The following LY86 variants were observed in gnomAD, a reference collection of about 807,000 sequenced individuals.
The protein encoded by LY86 is MD-1, RP105-associated.
A neutral mutation model predicts 17.3 loss-of-function variants in LY86; 20 were observed. The ratio of observed to expected loss-of-function variants is 1.15; its 90% confidence interval spans 0.81 to 1.68. The LOEUF is 1.68. LY86 is among the 40% of genes most tolerant of loss of function. The probability of loss-of-function intolerance (pLI) is 0.00; values close to 1 mark genes in which losing one functional copy is unlikely to be tolerated. For missense variants in LY86, 200 were observed against 191.9 expected, an observed-to-expected ratio of 1.04 and a Z score of -0.25; for synonymous variants, 74 against 70.6, an observed-to-expected ratio of 1.05 and a Z score of -0.24.
intron 1 of LY86, among the ~76,000 whole-genome samples, chr6:6,613,734 C>A (rs1421642948): frequency 6.6e-6 from 1 of 152,236 alleles, no homozygotes; most frequent in Non-Finnish European, 1.5e-5. Flanking sequence ...CAAGCGCGGC[C>A]AGAGTGGGCG....
intron 3 of LY86, among the ~76,000 whole-genome samples, chr6:6,635,974 G>C (rs1410699127): frequency 6.6e-6 from 1 of 152,244 alleles, no homozygotes; most frequent in African/African-American, 2.4e-5. Context: ...CCGCTGGAGA[G>C]CAGAGACCTT....
At chr6:6,651,663 T>C (rs1414678419) in intron 4 of LY86, among the ~76,000 whole-genome samples, 4 of 152,194 alleles carry the variant, frequency 2.6e-5, no homozygotes, top group Admixed American at 1.3e-4. Flanking sequence ...CAATTGACTT[T>C]CACTTTTGCA....
At chr6:6,614,970 G>A (rs1256483329) in intron 1 of LY86, among the ~76,000 whole-genome samples, 1 of 152,214 alleles carries the variant, frequency 6.6e-6, no homozygotes, top group Non-Finnish European at 1.5e-5. Flanking sequence ...AGCGGAGGCG[G>A]CTGCCTCTTA....
intron 1 of LY86, among the ~76,000 whole-genome samples, chr6:6,605,396 G>A (rs1440526639): frequency 6.6e-6 from 1 of 152,238 alleles, no homozygotes. Flanking sequence ...CCAAACTCAT[G>A]TGAGTACATC....
intron 1 of LY86, among the ~76,000 whole-genome samples, chr6:6,604,560 A>G (rs570828774): frequency 3.3e-5 from 5 of 152,330 alleles, no homozygotes; most frequent in African/African-American, 7.2e-5. Flanking sequence ...AATAAAACGA[A>G]AAATATGGAG....
intron 1 of LY86, among the ~76,000 whole-genome samples, chr6:6,616,074 A>T (rs1761546570): frequency 2.0e-5 from 3 of 152,232 alleles, no homozygotes; most frequent in Admixed American, 6.5e-5. Context: ...AGCACTGGCC[A>T]AGATGCTTTA....
chr6:6,592,847 G>A (rs1002811140), intron 1 of LY86, among the ~76,000 whole-genome samples: 2 of 152,134 alleles, frequency 1.3e-5, no homozygotes, highest in Non-Finnish European at 2.9e-5. Context: ...GGCTGTTTAA[G>A]CCCCCCAGTC....
At chr6:6,603,369 C>CCA in intron 1 of LY86, among the ~76,000 whole-genome samples, 1 of 151,680 alleles carries the variant, frequency 6.6e-6, no homozygotes, top group Middle Eastern at 3.4e-3. Context: ...AGACAGTTCA[C>CCA]AAAAATTACC....
intron 1 of LY86, 74 bp downstream of exon 1, chr6:6,588,944 G>T: frequency 5.4e-6 from 8 of 1,494,690 alleles, no homozygotes; most frequent in East Asian, 2.4e-5. Flanking sequence ...CTAGTGCTCA[G>T]TTGGAGTTGG....
intron 1 of LY86, among the ~76,000 whole-genome samples, chr6:6,609,498 T>C (rs145906549): frequency 6.4e-4 from 98 of 152,298 alleles, no homozygotes; most frequent in African/African-American, 2.0e-3. Context: ...ATGCACTTCC[T>C]TACACACTTT....
At chr6:6,616,107 C>T (rs1414500012) in intron 1 of LY86, among the ~76,000 whole-genome samples, 1 of 152,278 alleles carries the variant, frequency 6.6e-6, no homozygotes, top group East Asian at 1.9e-4. Context: ...TTCTTAATTC[C>T]TAATAAAACA....
At chr6:6,636,160 A>C (rs967507747) in intron 3 of LY86, among the ~76,000 whole-genome samples, 3 of 152,172 alleles carry the variant, frequency 2.0e-5, no homozygotes, top group Admixed American at 6.5e-5. Flanking sequence ...TGGCCCAGGG[A>C]CCACACTTTG....
intron 1 of LY86, among the ~76,000 whole-genome samples, chr6:6,589,783 G>A (rs982444644): frequency 1.3e-5 from 2 of 151,972 alleles, no homozygotes; most frequent in Non-Finnish European, 2.9e-5. Flanking sequence ...TATCAGATTA[G>A]GGCCCACCTC....
chr6:6,631,953 G>A (rs1428197497), intron 3 of LY86, among the ~76,000 whole-genome samples: 1 of 152,132 alleles, frequency 6.6e-6, no homozygotes, highest in Admixed American at 6.5e-5. Flanking sequence ...TCTTTTGACT[G>A]ATCAGTCCTG....
chr6:6,611,685 G>A (rs1030266715), intron 1 of LY86, among the ~76,000 whole-genome samples: 6 of 152,188 alleles, frequency 3.9e-5, no homozygotes, highest in African/African-American at 1.4e-4. Context: ...TACGCTGCGC[G>A]CCGGTCGTGT....
At chr6:6,594,774 T>C (rs1760647170) in intron 1 of LY86, among the ~76,000 whole-genome samples, 1 of 152,244 alleles carries the variant, frequency 6.6e-6, no homozygotes, top group Non-Finnish European at 1.5e-5. Flanking sequence ...TATGAAGTCC[T>C]TCCATTGACA....
chr6:6,641,920 C>G (rs1380664827), intron 3 of LY86, among the ~76,000 whole-genome samples: 1 of 152,232 alleles, frequency 6.6e-6, no homozygotes, highest in Non-Finnish European at 1.5e-5. Flanking sequence ...GGCTCCATCC[C>G]TCAGCAACCC....
chr6:6,596,091 G>A (rs1271159537), intron 1 of LY86, among the ~76,000 whole-genome samples: 1 of 152,222 alleles, frequency 6.6e-6, no homozygotes, highest in East Asian at 1.9e-4. Flanking sequence ...AGGTGCTTTA[G>A]CTGACCCCCA....
chr6:6,647,127 C>G (rs1251906063), intron 3 of LY86, among the ~76,000 whole-genome samples: 1 of 152,138 alleles, frequency 6.6e-6, no homozygotes, highest in East Asian at 1.9e-4. Flanking sequence ...ACTGGCCCAT[C>G]TACAAACGTA....
Sources: allele counts gnomAD v4.1 joint callset (sites outside exome capture counted in the v4.1 genomes callset), GRCh38; gene constraint gnomAD v4.1.1; transcripts MANE v1.5; gene names NCBI Gene and HGNC (gene_info 2026-07-23, HGNC 2026-07-21).